RUNX2: variants seen among roughly 807,000 people sequenced by gnomAD.
RUNX2 encodes the protein RUNX family transcription factor 2.
In RUNX2, 10 loss-of-function variants were observed where a neutral mutation model predicts 51.7. That is an observed-to-expected ratio of 0.19 (90% CI 0.12 to 0.33). The LOEUF is 0.33. Ranked by LOEUF, RUNX2 falls within the 10% of genes least tolerant of loss-of-function variation. RUNX2 has a pLI of 1.00. For synonymous variants in RUNX2, 276 were observed against 273.6 expected (o/e 1.01, Z -0.09); for missense variants, 562 against 691.3 (o/e 0.81, Z 2.10).
intron 2 of RUNX2, chr6:45,422,304 C>A: frequency 2.6e-6 from 1 of 383,900 alleles, no homozygotes; most frequent in South Asian, 3.4e-5. Flanking sequence ...TTCGCAGCTG[C>A]CACCCCGGGT....
At chr6:45,334,757 C>T (rs868218541) in intron 2 of RUNX2, among the ~76,000 whole-genome samples, 7 of 149,814 alleles carry the variant, frequency 4.7e-5, no homozygotes, top group South Asian at 2.1e-4. Context: ...TGATTATAAA[C>T]CAGGAAAAAA....
intron 7 of RUNX2, among the ~76,000 whole-genome samples, chr6:45,534,758 G>A (rs903905078): frequency 6.6e-6 from 1 of 152,180 alleles, no homozygotes; most frequent in Non-Finnish European, 1.5e-5. Flanking sequence ...GAAAGACAAG[G>A]ATTTAGGTCA....
intron 2 of RUNX2, among the ~76,000 whole-genome samples, chr6:45,381,627 C>T (rs1281557393): frequency 6.6e-6 from 1 of 152,006 alleles, no homozygotes; most frequent in Non-Finnish European, 1.5e-5. Context: ...GGGGATCTCC[C>T]TAGGTTGCCC....
At chr6:45,463,050 G>T (rs1454666730) in intron 5 of RUNX2, among the ~76,000 whole-genome samples, 1 of 152,168 alleles carries the variant, frequency 6.6e-6, no homozygotes, top group Non-Finnish European at 1.5e-5. Context: ...GCAGCCACTT[G>T]GGTATCTGAC....
At chr6:45,544,439 T>A in intron 7 of RUNX2, among the ~76,000 whole-genome samples, 1 of 149,866 alleles carries the variant, frequency 6.7e-6, no homozygotes, top group East Asian at 2.0e-4. Flanking sequence ...ACATAAAGAG[T>A]TTTAATGAGG....
intron 5 of RUNX2, among the ~76,000 whole-genome samples, chr6:45,464,515 ACT>A (rs1447779239): frequency 1.3e-5 from 2 of 152,136 alleles, no homozygotes; most frequent in African/African-American, 4.8e-5. Context: ...GCATTCTAAA[ACT>A]CTATCTACAG....
At chr6:45,378,287 T>G (rs1411810248) in intron 2 of RUNX2, among the ~76,000 whole-genome samples, 1 of 152,148 alleles carries the variant, frequency 6.6e-6, no homozygotes, top group African/African-American at 2.4e-5. Context: ...AGGGCTAGGA[T>G]TTTTGAAGGA....
At chr6:45,423,420 G>C (rs977490491) in intron 3 of RUNX2, among the ~76,000 whole-genome samples, 2 of 152,084 alleles carry the variant, frequency 1.3e-5, no homozygotes, top group African/African-American at 4.8e-5. Flanking sequence ...GCCGCATTGC[G>C]GGCTGCCCGC....
chr6:45,429,444 T>A (rs1582102403), intron 3 of RUNX2, among the ~76,000 whole-genome samples: 2 of 152,224 alleles, frequency 1.3e-5, no homozygotes, highest in East Asian at 3.8e-4. Flanking sequence ...TTTGAAAAAT[T>A]GAAAAGCACA....
At chr6:45,502,419 T>A (rs1375194316) in intron 6 of RUNX2, among the ~76,000 whole-genome samples, 1 of 152,176 alleles carries the variant, frequency 6.6e-6, no homozygotes, top group Non-Finnish European at 1.5e-5. Context: ...TCACATCACC[T>A]GGGGAGCTTG....
intron 6 of RUNX2, among the ~76,000 whole-genome samples, chr6:45,495,923 A>G (rs1800630960): frequency 6.6e-6 from 1 of 152,176 alleles, no homozygotes. Flanking sequence ...CCTCCCTGGT[A>G]TCTTTGCAGT....
At chr6:45,515,342 A>C (rs1485821312) in intron 7 of RUNX2, among the ~76,000 whole-genome samples, 1 of 152,214 alleles carries the variant, frequency 6.6e-6, no homozygotes, top group African/African-American at 2.4e-5. Flanking sequence ...TAAAATAGGC[A>C]TACAATATTC....
At position 45,517,466 on chromosome 6, in the gene RUNX2, T is replaced by C. The variant is rs1454220848; in HGVS notation, c.1021+5059T>C. ...GCTGGGATTACAGACATGAGCCACC[T>C]CTCCCTGCTTGCCACTATAGATTGT... On this transcript the variant is annotated intron_variant, in intron 7 of 8. Coordinates refer to ENST00000647337, the MANE Select transcript of RUNX2 (RefSeq NM_001024630.4). Among the ~76,000 whole-genome samples, 3 of 152,018 alleles carry C rather than the reference T, an allele frequency of 2.0e-5. No individual in the cohort carries two copies. In the East Asian group the frequency reaches 5.8e-4, roughly 29 times the overall value.
rs1031594449 is a variant in RUNX2, at chr6:45,504,330, A to G, written c.860-7916A>G. 6.6e-5 allele frequency among the ~76,000 whole-genome samples: 10 copies of G among 152,218 alleles called. 1 individual carries two copies. Among genetic ancestry groups the G allele is most frequent in the East Asian group, 1.9e-4 (1 of 5,188 alleles). On this transcript the variant is annotated intron_variant, in intron 6 of 8. Coordinates refer to ENST00000647337, the MANE Select transcript of RUNX2 (RefSeq NM_001024630.4). ...GAGCTCACTCTTCTGAGTGGTTAGCATCATAGCATTTTGTATCTGGAAAAC... is the reference window on the plus strand; with the variant it reads ...GAGCTCACTCTTCTGAGTGGTTAGCGTCATAGCATTTTGTATCTGGAAAAC...
Position 45,550,897 on chromosome 6 carries a change from A to G in RUNX2, c.*3592A>G, listed in dbSNP as rs62400377. On this transcript the variant is annotated 3_prime_UTR_variant, in exon 9 of 9. Transcript: ENST00000647337. Reference sequence around the variant, plus strand: ...CCCAAGAATTGCTTTCCATGCACATATTGTAAAAATTCCGCTTTGTGCCAC... The same window carrying G: ...CCCAAGAATTGCTTTCCATGCACATGTTGTAAAAATTCCGCTTTGTGCCAC... 0.079 allele frequency: 12,019 copies of G among 152,664 alleles called. 623 individuals are homozygous for G. Among genetic ancestry groups the G allele is most frequent in the Non-Finnish European group, 0.12 (7,829 of 68,012 alleles). 9.5% of individuals were successfully genotyped at this position (152,664 alleles called of 1,614,324 possible).
intron 2 of RUNX2, among the ~76,000 whole-genome samples, chr6:45,370,707 A>AC (rs1795919300): frequency 6.6e-6 from 1 of 152,032 alleles, no homozygotes; most frequent in East Asian, 1.9e-4. Flanking sequence ...CATGAAAACT[A>AC]CCCCCATCCT....
chr6:45,502,386 T>G (rs1409834603), intron 6 of RUNX2, among the ~76,000 whole-genome samples: 1 of 152,224 alleles, frequency 6.6e-6, no homozygotes, highest in Non-Finnish European at 1.5e-5. Context: ...TTATGCCTAT[T>G]GTTCTTGAAC....
At chr6:45,396,766 A>G (rs1337331234) in intron 2 of RUNX2, among the ~76,000 whole-genome samples, 1 of 152,338 alleles carries the variant, frequency 6.6e-6, no homozygotes, top group Non-Finnish European at 1.5e-5. Context: ...ATATGTGGCC[A>G]TTTGTGACTG....
chr6:45,471,153 C>T (rs1420479003), intron 5 of RUNX2, among the ~76,000 whole-genome samples: 2 of 152,122 alleles, frequency 1.3e-5, no homozygotes, highest in East Asian at 1.9e-4. Context: ...TTTTCCCATT[C>T]TTTTTAGCAA....
Sources: allele counts gnomAD v4.1 joint callset (sites outside exome capture counted in the v4.1 genomes callset), GRCh38; gene constraint gnomAD v4.1.1; transcripts MANE v1.5; gene names NCBI Gene and HGNC (gene_info 2026-07-23, HGNC 2026-07-21).